COL8A1: variants seen among roughly 807,000 people sequenced by gnomAD.
COL8A1 encodes the protein collagen type VIII alpha 1 chain.
In COL8A1, 21 loss-of-function variants were observed where a neutral mutation model predicts 42.7. The ratio of observed to expected loss-of-function variants is 0.49; its 90% CI spans 0.35 to 0.71. The LOEUF (loss-of-function observed/expected upper bound fraction) is 0.71. Ranked by LOEUF, COL8A1 falls within the 30% of genes least tolerant of loss-of-function variation. The pLI is 0.01. For missense variants in COL8A1, 788 were observed against 962.4 expected, an observed-to-expected ratio of 0.82 and a Z score of 2.40; for synonymous variants, 367 against 369.1, an observed-to-expected ratio of 0.99 and a Z score of 0.06.
chr3:99,727,097 G>A (rs1165810975), intron 1 of COL8A1, among the ~76,000 whole-genome samples: 1 of 152,014 alleles, frequency 6.6e-6, no homozygotes, highest in Non-Finnish European at 1.5e-5. Context: ...ATTGAGCAGT[G>A]GTTTGTAGTT....
At chr3:99,752,820 C>A (rs555515810) in intron 2 of COL8A1, among the ~76,000 whole-genome samples, 1 of 151,842 alleles carries the variant, frequency 6.6e-6, no homozygotes, top group Admixed American at 6.6e-5. Flanking sequence ...AAATAAATGA[C>A]TTTTTAATTT....
intron 1 of COL8A1, among the ~76,000 whole-genome samples, chr3:99,671,016 TG>T (rs1220285720): frequency 1.3e-5 from 2 of 151,396 alleles, no homozygotes; most frequent in Admixed American, 6.6e-5. Context: ...ATGTGTGTGT[TG>T]GGGGGGTTAT....
intron 1 of COL8A1, among the ~76,000 whole-genome samples, chr3:99,702,238 T>C (rs966868504): frequency 5.9e-5 from 9 of 152,178 alleles, no homozygotes; most frequent in African/African-American, 1.2e-4. Context: ...AGTTTGTCTA[T>C]AAGACACTTC....
chr3:99,689,481 C>A (rs1939154354), intron 1 of COL8A1, among the ~76,000 whole-genome samples: 2 of 152,152 alleles, frequency 1.3e-5, no homozygotes, highest in African/African-American at 4.8e-5. Context: ...AAGATACAGA[C>A]CAGGCCCTGG....
intron 1 of COL8A1, among the ~76,000 whole-genome samples, chr3:99,640,085 G>C (rs1937475807): frequency 1.3e-5 from 2 of 152,130 alleles, no homozygotes; most frequent in Non-Finnish European, 2.9e-5. Context: ...TGCTTGAGAT[G>C]GAGAGGATTC....
intron 1 of COL8A1, among the ~76,000 whole-genome samples, chr3:99,671,112 A>G (rs977700393): frequency 3.9e-5 from 6 of 152,032 alleles, no homozygotes; most frequent in Non-Finnish European, 7.4e-5. Flanking sequence ...TTAAAAGAAT[A>G]TGGAGCATGA....
rs572880256 is a variant in COL8A1 at position 99,771,549 on chromosome 3, C to T, written c.-3-19131C>T. Among the ~76,000 whole-genome samples the T allele has an allele frequency of 2.2e-3, 332 of 152,248 alleles. 3 individuals are homozygous for T. Among genetic ancestry groups the T allele is most frequent in the South Asian group, 0.012 (59 of 4,818 alleles). On this transcript the variant is annotated intron_variant, in intron 2 of 3. Transcript: ENST00000652472. ...AAGAAGATACCAGGCAACGTAAACT[C>T]CACTTGAAATTAATGCCCCTCAAGC...
chr3:99,665,956 G>T (rs562109448), intron 1 of COL8A1, among the ~76,000 whole-genome samples: 1 of 151,858 alleles, frequency 6.6e-6, no homozygotes, highest in African/African-American at 2.4e-5. Flanking sequence ...CTCCTAAAGT[G>T]CTGGGATTAC....
chr3:99,670,269 C>G (rs1360878963), intron 1 of COL8A1, among the ~76,000 whole-genome samples: 1 of 151,992 alleles, frequency 6.6e-6, no homozygotes, highest in Non-Finnish European at 1.5e-5. Context: ...ACAGCCATAT[C>G]TCTTTTTTCA....
At chr3:99,641,087 C>A (rs1281051916) in intron 1 of COL8A1, among the ~76,000 whole-genome samples, 1 of 152,000 alleles carries the variant, frequency 6.6e-6, no homozygotes, top group Non-Finnish European at 1.5e-5. Flanking sequence ...AAATGATATC[C>A]TTTTCATGAT....
intron 2 of COL8A1, among the ~76,000 whole-genome samples, chr3:99,751,080 AT>A (rs1305234755): frequency 6.6e-6 from 1 of 152,208 alleles, no homozygotes; most frequent in Non-Finnish European, 1.5e-5. Context: ...ATGGAGAGAG[AT>A]TTGGTCTTAT....
At chr3:99,666,019 G>T (rs982515760) in intron 1 of COL8A1, among the ~76,000 whole-genome samples, 1 of 151,988 alleles carries the variant, frequency 6.6e-6, no homozygotes. Flanking sequence ...AGCAGTAGGT[G>T]CCTGAGATGT....
chr3:99,681,757 G>A (rs1938889222), intron 1 of COL8A1, among the ~76,000 whole-genome samples: 1 of 152,154 alleles, frequency 6.6e-6, no homozygotes, highest in Non-Finnish European at 1.5e-5. Flanking sequence ...ACAGATATGA[G>A]GCTAATATTA....
At chr3:99,660,738 G>A (rs762237804) in intron 1 of COL8A1, among the ~76,000 whole-genome samples, 1 of 152,136 alleles carries the variant, frequency 6.6e-6, no homozygotes, top group Non-Finnish European at 1.5e-5. Flanking sequence ...TAGAAATAAA[G>A]TAAGAGCTTT....
intron 2 of COL8A1, among the ~76,000 whole-genome samples, chr3:99,749,087 C>T (rs942389565): frequency 6.6e-6 from 1 of 151,942 alleles, no homozygotes; most frequent in African/African-American, 2.4e-5. Context: ...ACATACAATC[C>T]CTAAATAAAT....
intron 1 of COL8A1, among the ~76,000 whole-genome samples, chr3:99,650,492 C>T (rs1278201090): frequency 2.0e-5 from 3 of 151,820 alleles, no homozygotes; most frequent in South Asian, 4.2e-4. Flanking sequence ...TGGAGTGCAG[C>T]GGCATGATCT....
intron 1 of COL8A1, among the ~76,000 whole-genome samples, chr3:99,720,377 G>A (rs2107368252): frequency 6.6e-6 from 1 of 152,056 alleles, no homozygotes; most frequent in South Asian, 2.1e-4. Flanking sequence ...GATAGATATG[G>A]AACAAAAAAG....
At chr3:99,741,009 A>T (rs534594357) in intron 1 of COL8A1, among the ~76,000 whole-genome samples, 1 of 152,288 alleles carries the variant, frequency 6.6e-6, no homozygotes, top group Admixed American at 6.5e-5. Context: ...AGAAGCATCA[A>T]ATAATATAAA....
chr3:99,638,946 T>C (rs1937448739), intron 1 of COL8A1, among the ~76,000 whole-genome samples: 1 of 152,230 alleles, frequency 6.6e-6, no homozygotes, highest in Non-Finnish European at 1.5e-5. Context: ...AAAATGTATC[T>C]GTTTGGGGTG....
Sources: gnomAD v4.1 joint callset for allele counts (sites outside exome capture counted in the v4.1 genomes callset) on GRCh38, gnomAD v4.1.1 for gene constraint, MANE v1.5 for transcripts, NCBI Gene and HGNC (gene_info 2026-07-23, HGNC 2026-07-21) for gene names.